Variants in TMEM39B observed in about 807,000 individuals in gnomAD.
TMEM39B encodes the protein transmembrane protein 39B.
Under a neutral mutation model 52.2 loss-of-function variants are expected in TMEM39B, and 23 were observed. That is an observed-to-expected ratio of 0.44 (90% CI 0.32 to 0.62). TMEM39B has a LOEUF of 0.62. Ranked by LOEUF, TMEM39B falls within the 20% of genes least tolerant of loss-of-function variation. The pLI is 0.06. For synonymous variants in TMEM39B, 285 were observed against 264.0 expected, an observed-to-expected ratio of 1.08 and a Z score of -0.77; for missense variants, 547 against 642.0, an observed-to-expected ratio of 0.85 and a Z score of 1.60.
chr1:32,098,301 C>G (rs1025250448), intron 7 of TMEM39B, among the ~76,000 whole-genome samples: 5 of 152,010 alleles, frequency 3.3e-5, no homozygotes, highest in African/African-American at 1.2e-4. Flanking sequence ...CTGTGCCCAG[C>G]CAACTATTTT....
At chr1:32,089,603 C>T (rs1171862563) in intron 5 of TMEM39B, among the ~76,000 whole-genome samples, 1 of 151,392 alleles carries the variant, frequency 6.6e-6, no homozygotes, top group Non-Finnish European at 1.5e-5. Context: ...TTGCCAGGGA[C>T]ACTCAGATAT....
intron 3 of TMEM39B, chr1:32,076,059 G>A: frequency 4.2e-6 from 1 of 237,334 alleles, no homozygotes; most frequent in Non-Finnish European, 8.1e-6. Context: ...ATCTGACAAA[G>A]ATTTTGCCTA....
At chr1:32,081,186 T>A (rs187851290) in intron 5 of TMEM39B, among the ~76,000 whole-genome samples, 1 of 148,760 alleles carries the variant, frequency 6.7e-6, no homozygotes, top group East Asian at 2.1e-4. Context: ...TTCTGGGTTT[T>A]TTTATTTGTT....
intron 3 of TMEM39B, 151 bp from the exon 4 acceptor site, chr1:32,076,612 A>G: frequency 1.3e-6 from 1 of 791,706 alleles, no homozygotes; most frequent in Non-Finnish European, 2.2e-6. Context: ...CCTGTAGGTA[A>G]TTTCCTGGCC....
chr1:32,073,879 A>G, intron 1 of TMEM39B: 3 of 985,336 alleles, frequency 3.0e-6, no homozygotes, highest in Non-Finnish European at 3.6e-6. Context: ...AGAGGTATGA[A>G]CAGGTTATAA....
intron 6 of TMEM39B, among the ~76,000 whole-genome samples, chr1:32,093,553 AGGTG>A (rs1640692237): frequency 6.7e-6 from 1 of 150,336 alleles, no homozygotes; most frequent in Non-Finnish European, 1.5e-5. Flanking sequence ...CTGGGACTAC[AGGTG>A]TGCAGCACCA....
intron 5 of TMEM39B, among the ~76,000 whole-genome samples, chr1:32,088,998 A>G (rs1349505609): frequency 6.6e-6 from 1 of 152,064 alleles, no homozygotes; most frequent in Non-Finnish European, 1.5e-5. Context: ...TTTATGAGAA[A>G]ACTAGTGTAA....
At chr1:32,092,947 A>G (rs1223433955) in intron 6 of TMEM39B, among the ~76,000 whole-genome samples, 1 of 152,320 alleles carries the variant, frequency 6.6e-6, no homozygotes, top group Middle Eastern at 3.4e-3. Flanking sequence ...TAACACAGAC[A>G]TGTCACAATG....
intron 5 of TMEM39B, among the ~76,000 whole-genome samples, chr1:32,080,078 T>TG (rs1640030649): frequency 6.6e-6 from 1 of 151,756 alleles, no homozygotes; most frequent in Admixed American, 6.6e-5. Context: ...TTAGTAGAGA[T>TG]GGGGTTTCAC....
At chr1:32,094,568 A>G (rs764979990) in intron 6 of TMEM39B, among the ~76,000 whole-genome samples, 13 of 152,186 alleles carry the variant, frequency 8.5e-5, no homozygotes, top group Non-Finnish European at 1.6e-4. Context: ...TCTCTGGCTC[A>G]GAGTGGTGGG....
intron 2 of TMEM39B, 103 bp from the exon 3 acceptor site, chr1:32,075,500 A>G (rs548804527): frequency 1.6e-6 from 2 of 1,224,896 alleles, no homozygotes; most frequent in Non-Finnish European, 2.3e-6. Flanking sequence ...CGTCCTTGCT[A>G]TGAGCTGCTT....
Position 32,092,239 on chromosome 1 carries a change from C to T in TMEM39B, c.927+228C>T, listed in dbSNP as rs993610361. Among the ~76,000 whole-genome samples, 3 of 152,174 alleles carry T rather than the reference C, an allele frequency of 2.0e-5. No individual in the cohort carries two copies. The East Asian group carries it at 5.8e-4, about 29-fold the overall frequency. On this transcript the variant is annotated intron_variant, in intron 6 of 8. Transcript: ENST00000336294. ...TGGCACAATCATGGGTCACTGCAGC[C>T]TCAACCTCCTGGTCTCAAGTGATCC...
chr1:32,083,668 C>T (rs1268789862), intron 5 of TMEM39B, among the ~76,000 whole-genome samples: 4 of 151,954 alleles, frequency 2.6e-5, no homozygotes, highest in African/African-American at 4.8e-5. Context: ...GTGATCCGTC[C>T]ATCTCAGCTT....
At chr1:32,092,429 AT>A (rs1168275299) in intron 6 of TMEM39B, among the ~76,000 whole-genome samples, 1 of 152,138 alleles carries the variant, frequency 6.6e-6, no homozygotes, top group East Asian at 1.9e-4. Context: ...AAGTGTTGGG[AT>A]TACAAGCGTG....
chr1:32,075,568 G>A, intron 2 of TMEM39B, 35 bp from the exon 3 acceptor site: 1 of 1,532,244 alleles, frequency 6.5e-7, no homozygotes, highest in Non-Finnish European at 8.8e-7. Flanking sequence ...GGATTCTCAG[G>A]TCAGCTGCTG....
Position 32,102,712 on chromosome 1 carries a change from C to T in TMEM39B, c.*39C>T, listed in dbSNP as rs762915939. ...CTCAGGGACAGCGTCCAGGCTTCAGCCAAGGGCTCCCTGGCAAGGGGCTGT... is the reference window on the plus strand; with the variant it reads ...CTCAGGGACAGCGTCCAGGCTTCAGTCAAGGGCTCCCTGGCAAGGGGCTGT... On this transcript the variant is annotated 3_prime_UTR_variant, in exon 9 of 9. Transcript: ENST00000336294. The T allele has an allele frequency of 1.4e-6, 2 of 1,419,546 alleles. No individual in the cohort carries two copies. Among genetic ancestry groups the T allele is most frequent in the South Asian group, 3.5e-5 (2 of 57,664 alleles). The allele number at this position is 1,419,546 out of a possible 1,614,324, so 87.9% of individuals were successfully genotyped here. A position where few individuals can be genotyped will look rare whatever the true frequency, so the allele number is the denominator to read the frequency against.
chr1:32,073,143 G>A, intron 1 of TMEM39B, 92 bp downstream of exon 1: 1 of 1,354,546 alleles, frequency 7.4e-7, no homozygotes, highest in Non-Finnish European at 9.6e-7. Flanking sequence ...GCGGACAGGA[G>A]CCCGGTGACG....
At position 32,073,039 on chromosome 1, in the gene TMEM39B, G is replaced by C. The variant is rs1299885434; in HGVS notation, c.-9G>C. ...GCGGCGGCGAAGCGGAGAGCACCGG[G>C]GGGAGGAGATGGGTGAGCAGAGCGG... On this transcript the variant is annotated 5_prime_UTR_variant, in exon 1 of 9. Coordinates refer to ENST00000336294, the MANE Select transcript of TMEM39B (RefSeq NM_018056.4). 11 of 1,524,328 alleles carry C rather than the reference G, an allele frequency of 7.2e-6. No homozygotes were observed. The highest frequency in any genetic ancestry group is 1.4e-5 in the African/African-American group (1 of 70,704). The allele number at this position is 1,524,328 out of a possible 1,614,324, so 94.4% of individuals were successfully genotyped here.
chr1:32,097,684 G>A (rs1001782944), intron 7 of TMEM39B, among the ~76,000 whole-genome samples: 5 of 144,310 alleles, frequency 3.5e-5, no homozygotes, highest in Admixed American at 6.9e-5. Flanking sequence ...TCGCTCTGTC[G>A]CCCAGGCTGG....
Sources: gnomAD v4.1 joint callset for allele counts (sites outside exome capture counted in the v4.1 genomes callset) on GRCh38, gnomAD v4.1.1 for gene constraint, MANE v1.5 for transcripts, NCBI Gene and HGNC (gene_info 2026-07-23, HGNC 2026-07-21) for gene names.